XRCC4: variants seen among roughly 807,000 people sequenced by gnomAD.
XRCC4 encodes the protein X-ray repair cross complementing 4.
XRCC4 carries 28 observed loss-of-function variants against 39.1 expected under a neutral mutation model. The observed-to-expected ratio is 0.72, with a 90% CI of 0.53 to 0.98. The LOEUF (loss-of-function observed/expected upper bound fraction) is 0.98. Among genes scored for constraint, XRCC4 ranks in the 50% least tolerant of loss-of-function variants. XRCC4 has a pLI of 0.00. For synonymous variants in XRCC4, 123 were observed against 126.4 expected, an observed-to-expected ratio of 0.97 and a Z score of 0.18; for missense variants, 350 against 376.4, an observed-to-expected ratio of 0.93 and a Z score of 0.58.
intron 6 of XRCC4, among the ~76,000 whole-genome samples, chr5:83,248,400 T>C (rs78089338): frequency 0.037 from 5,641 of 152,260 alleles, 347 homozygotes; most frequent in African/African-American, 0.13. Context: ...AGCAGTAATC[T>C]AAGTAAGAAA....
intron 3 of XRCC4, among the ~76,000 whole-genome samples, chr5:83,128,288 A>G (rs1371832021): frequency 6.6e-6 from 1 of 152,084 alleles, no homozygotes; most frequent in Non-Finnish European, 1.5e-5. Flanking sequence ...CCATGTCCCT[A>G]CGAAGGATAT....
In XRCC4 at chr5:83,129,984, G is replaced by A. The variant is rs10064337; in HGVS notation, c.315+18781G>A. 3.2e-3 allele frequency among the ~76,000 whole-genome samples: 491 copies of A among 152,148 alleles called. 2 individuals carry two copies. The highest frequency in any genetic ancestry group is 0.011 in the African/African-American group (468 of 41,514). On this transcript the variant is annotated intron_variant, in intron 3 of 7. Coordinates refer to ENST00000396027, the MANE Select transcript of XRCC4 (RefSeq NM_003401.5). ...TTCCTTCTCCTGCCTAATTGCCCTG[G>A]CCAGAACATCCAACACTGTGTTGAA...
At chr5:83,321,127 T>A (rs747463922) in intron 7 of XRCC4, among the ~76,000 whole-genome samples, 15 of 152,152 alleles carry the variant, frequency 9.9e-5, no homozygotes, top group Non-Finnish European at 1.8e-4. Flanking sequence ...CATAATGCTG[T>A]TGCACACTTA....
In XRCC4 at chr5:83,322,808, G is replaced by T. The variant is rs1423838444; in HGVS notation, c.894-30323G>T. Among the ~76,000 whole-genome samples, 3 of 152,264 alleles carry T rather than the reference G, an allele frequency of 2.0e-5. No homozygotes were observed. In the East Asian group the frequency reaches 5.8e-4, roughly 29 times the overall value. On this transcript the variant is annotated intron_variant, in intron 7 of 7. Transcript: ENST00000396027. ...AACAGATTCTCACCTAATGGCCTTG[G>T]AGGCAATGCAGCCCTGATGATACCT...
At chr5:83,237,863 T>C (rs1158181467) in intron 6 of XRCC4, among the ~76,000 whole-genome samples, 1 of 152,150 alleles carries the variant, frequency 6.6e-6, no homozygotes, top group East Asian at 1.9e-4. Context: ...TGTACAACTC[T>C]TATGTATCCA....
intron 6 of XRCC4, among the ~76,000 whole-genome samples, chr5:83,247,143 G>T (rs1753134327): frequency 1.3e-5 from 2 of 152,228 alleles, no homozygotes; most frequent in South Asian, 4.1e-4. Context: ...AAACCTGATA[G>T]AAGTTAATAC....
chr5:83,269,379 C>A (rs1001617075), intron 7 of XRCC4, among the ~76,000 whole-genome samples: 2 of 151,044 alleles, frequency 1.3e-5, no homozygotes, highest in African/African-American at 4.9e-5. Context: ...AGAAACACAC[C>A]AATAAATAAT....
chr5:83,104,955 T>C lies in XRCC4; in HGVS notation c.36T>C (p.Ser12=). The C allele has an allele frequency of 6.2e-7, 1 of 1,613,606 alleles. No homozygotes were observed. The highest frequency in any genetic ancestry group is 8.5e-7 in the Non-Finnish European group (1 of 1,179,718). ...AAATAAGCAGAATCCACCTTGTTTC[T>C]GAACCCAGTATAACTCATTTTCTAC... ...ERKISRIHLV[S]EPSITHFLQV... is the part of the protein sequence containing the mutation. Residue 12 remains serine, a synonymous_variant, in exon 2 of 8, where the codon TCT becomes TCC. Transcript: ENST00000396027.
In XRCC4 at chr5:83,279,920, G is replaced by A. The variant is rs372797156; in HGVS notation, c.893+21243G>A. The A allele has an allele frequency of 6.8e-5, 11 of 161,678 alleles. 1 individual carries two copies. In the South Asian group the frequency reaches 1.3e-3, roughly 19 times the overall value. The allele number at this position is 161,678 out of a possible 1,614,324, so 10.0% of individuals were successfully genotyped here. A position where few individuals can be genotyped will look rare whatever the true frequency, so the allele number is the denominator to read the frequency against. On this transcript the variant is annotated intron_variant, in intron 7 of 7. Coordinates refer to ENST00000396027, the MANE Select transcript of XRCC4 (RefSeq NM_003401.5). ...CACCAGTTGTTTTTTCCCTTTATGCGTGATGAACTTCATGAAGCATTAACT... is the reference window on the plus strand; with the variant it reads ...CACCAGTTGTTTTTTCCCTTTATGCATGATGAACTTCATGAAGCATTAACT...
chr5:83,266,432 A>G (rs752534896), intron 7 of XRCC4, among the ~76,000 whole-genome samples: 2 of 151,652 alleles, frequency 1.3e-5, no homozygotes, highest in African/African-American at 2.4e-5. Flanking sequence ...TGAAAAGTAT[A>G]AACTAATTAT....
In XRCC4 at chr5:83,187,741, G is replaced by A. The variant is rs553691793; in HGVS notation, c.316-8029G>A. Among the ~76,000 whole-genome samples, 15 of 152,268 alleles carry A rather than the reference G, an allele frequency of 9.9e-5. No individual in the cohort carries two copies. In the South Asian group the frequency reaches 3.1e-3, roughly 32 times the overall value. ...TAAAAAGAATGAGATGATAGATTCT[G>A]TATCTTATCTGTTTTTGGTGTATCC... is the stretch of plus-strand genomic sequence containing the variant. On this transcript the variant is annotated intron_variant, in intron 3 of 7. Transcript: ENST00000396027.
At chr5:83,361,036 C>T in the XRCC4 span, among the ~76,000 whole-genome samples, 1 of 152,104 alleles carries the variant, frequency 6.6e-6, no homozygotes, top group Non-Finnish European at 1.5e-5. Context: ...GTTTGGGGAC[C>T]AGATCAAGCC....
At chr5:83,199,489 G>A (rs1203646618) in intron 4 of XRCC4, among the ~76,000 whole-genome samples, 1 of 151,794 alleles carries the variant, frequency 6.6e-6, no homozygotes, top group Non-Finnish European at 1.5e-5. Flanking sequence ...CCCTGACCTG[G>A]GCCAGATATA....
intron 6 of XRCC4, among the ~76,000 whole-genome samples, chr5:83,244,993 A>G (rs1257192266): frequency 6.6e-6 from 1 of 152,218 alleles, no homozygotes; most frequent in Non-Finnish European, 1.5e-5. Flanking sequence ...ATATGCATAT[A>G]TATTACAACA....
At chr5:83,229,704 A>G (rs1752427182) in intron 6 of XRCC4, among the ~76,000 whole-genome samples, 1 of 142,938 alleles carries the variant, frequency 7.0e-6, no homozygotes, top group Admixed American at 7.1e-5. Context: ...TTTTATGACC[A>G]AATACATTTG....
intron 7 of XRCC4, among the ~76,000 whole-genome samples, chr5:83,269,846 AT>A (rs1477620654): frequency 6.6e-6 from 1 of 151,384 alleles, no homozygotes; most frequent in East Asian, 1.9e-4. Context: ...GTGGAAGACA[AT>A]TTTTCCATGG....
rs537184929 is a variant in XRCC4 at position 83,327,368 on chromosome 5, A to AT, written c.894-25762dup. ...TTTTTCCATGTAGAAATATATCAGTATGTATCATTGCTTTTTTATGAGTAG... is the reference window on the plus strand; with the variant it reads ...TTTTTCCATGTAGAAATATATCAGTATTGTATCATTGCTTTTTTATGAGTAG... On this transcript the variant is annotated intron_variant, in intron 7 of 7. Coordinates refer to ENST00000396027, the MANE Select transcript of XRCC4 (RefSeq NM_003401.5). Among the ~76,000 whole-genome samples the AT allele has an allele frequency of 3.7e-4, 56 of 152,124 alleles. No homozygotes were observed. The East Asian group carries it at 9.7e-3, about 26-fold the overall frequency.
intron 7 of XRCC4, among the ~76,000 whole-genome samples, chr5:83,343,686 G>C (rs970465320): frequency 6.6e-6 from 1 of 150,788 alleles, no homozygotes; most frequent in African/African-American, 2.4e-5. Flanking sequence ...TCTTTCTCTA[G>C]CTGTCTGTCC....
intron 7 of XRCC4, among the ~76,000 whole-genome samples, chr5:83,323,896 A>G (rs759260676): frequency 5.9e-5 from 9 of 152,104 alleles, no homozygotes; most frequent in Non-Finnish European, 1.2e-4. Context: ...TGATTTAGCA[A>G]TGAAACCAAA....
Sources: gnomAD v4.1 joint callset for allele counts (sites outside exome capture counted in the v4.1 genomes callset) on GRCh38, gnomAD v4.1.1 for gene constraint, MANE v1.5 for transcripts, NCBI Gene and HGNC (gene_info 2026-07-23, HGNC 2026-07-21) for gene names.